Variants in THBS4 observed in about 807,000 individuals in gnomAD.
THBS4 encodes thrombospondin 4.
In THBS4, 90 loss-of-function variants were observed where a neutral mutation model predicts 115.7. The observed-to-expected ratio is 0.78, with a 90% CI of 0.66 to 0.93. The LOEUF (loss-of-function observed/expected upper bound fraction) is 0.93. Among genes scored for constraint, THBS4 ranks in the 40% least tolerant of loss-of-function variants. The pLI is 0.00. For synonymous variants in THBS4, 460 were observed against 479.3 expected, an observed-to-expected ratio of 0.96 and a Z score of 0.53; for missense variants, 1,087 against 1,232.7, an observed-to-expected ratio of 0.88 and a Z score of 1.77.
chr5:80,067,069 A>G (rs1203794249), intron 9 of THBS4: 1 of 152,238 alleles, frequency 6.6e-6, no homozygotes, highest in South Asian at 2.1e-4. Context: ...ATAAAACTGC[A>G]TAAGATGAAA....
intron 1 of THBS4, among the ~76,000 whole-genome samples, chr5:80,036,892 T>A (rs1474136562): frequency 1.3e-5 from 2 of 152,212 alleles, no homozygotes; most frequent in Non-Finnish European, 2.9e-5. Flanking sequence ...CTTCCCTGCC[T>A]CTCGCTGCTG....
chr5:80,024,961 G>A (rs1832446562), intron 2 of THBS4, among the ~76,000 whole-genome samples: 7 of 152,114 alleles, frequency 4.6e-5, no homozygotes, highest in Admixed American at 4.6e-4. Flanking sequence ...TGGGAAGGTT[G>A]TTCAATCTCC....
intron 2 of THBS4, among the ~76,000 whole-genome samples, chr5:80,043,224 C>T (rs2438650): frequency 0.24 from 36,045 of 151,926 alleles, 4,712 homozygotes; most frequent in African/African-American, 0.35. Context: ...GGAAAAAATA[C>T]GAAGATTTGC....
intron 19 of THBS4, 83 bp downstream of exon 19, chr5:80,079,341 CTTAG>C: frequency 2.1e-6 from 3 of 1,404,246 alleles, no homozygotes; most frequent in Non-Finnish European, 2.8e-6. Context: ...CCATGTGGTA[CTTAG>C]TTAATCTAAA....
At chr5:80,016,068 C>T (rs1012141248) in intron 2 of THBS4, among the ~76,000 whole-genome samples, 1 of 152,172 alleles carries the variant, frequency 6.6e-6, no homozygotes, top group Admixed American at 6.5e-5. Context: ...AAGACCCTTC[C>T]CTGGACAGTA....
At chr5:80,073,235 C>G (rs1742989637) in intron 14 of THBS4, 40 bp from the exon 15 acceptor site, 1 of 1,601,496 alleles carries the variant, frequency 6.2e-7, no homozygotes, top group African/African-American at 1.3e-5. Context: ...TCGGTACATG[C>G]AGGCCCAGGA....
At chr5:80,015,754 G>C (rs576943983) in intron 2 of THBS4, among the ~76,000 whole-genome samples, 1 of 152,238 alleles carries the variant, frequency 6.6e-6, no homozygotes, top group African/African-American at 2.4e-5. Context: ...CAGGGACCAG[G>C]GTCAGGCCTT....
chr5:80,043,030 T>C (rs1178568758), intron 2 of THBS4, among the ~76,000 whole-genome samples: 1 of 152,028 alleles, frequency 6.6e-6, no homozygotes, highest in Non-Finnish European at 1.5e-5. Context: ...AACTGAAAGA[T>C]GAACATCTCC....
intron 2 of THBS4, among the ~76,000 whole-genome samples, chr5:80,041,194 A>G (rs1832890498): frequency 6.6e-6 from 1 of 152,192 alleles, no homozygotes; most frequent in Admixed American, 6.5e-5. Flanking sequence ...CCTGGATTGT[A>G]GATGGCCATC....
chr5:80,053,817 G>A (rs1279744808), intron 2 of THBS4, among the ~76,000 whole-genome samples: 1 of 152,088 alleles, frequency 6.6e-6, no homozygotes, highest in Non-Finnish European at 1.5e-5. Context: ...GCCCACCTCG[G>A]CCTCCCAAAG....
At chr5:80,061,053 G>A (rs1833616426) in intron 7 of THBS4, among the ~76,000 whole-genome samples, 1 of 152,142 alleles carries the variant, frequency 6.6e-6, no homozygotes, top group Admixed American at 6.5e-5. Flanking sequence ...AGAAACAACT[G>A]CATACATTTC....
chr5:80,021,142 T>TG (rs537230278), intron 2 of THBS4, among the ~76,000 whole-genome samples: 26 of 152,292 alleles, frequency 1.7e-4, no homozygotes, highest in Admixed American at 5.2e-4. Flanking sequence ...ACAGTTTTGT[T>TG]GCAGTGGTTC....
In THBS4 at chr5:80,079,267, G is replaced by T. The variant is rs1743374645; in HGVS notation, c.2511+9G>T. The stretch of plus-strand genomic sequence containing the variant: ...CTGGCATTCAGCTCAAGGTATTGGT[G>T]GTTTGAAGTCATTCATCTCCCTTTC... On this transcript the variant is annotated intron_variant, in intron 19 of 21. Coordinates refer to ENST00000350881, the MANE Select transcript of THBS4 (RefSeq NM_003248.6). 6.3e-7 allele frequency: 1 copy of T among 1,584,184 alleles called. No individual in the cohort carries two copies. The highest frequency in any genetic ancestry group is 1.8e-5 in the Admixed American group (1 of 55,578).
upstream of THBS4, among the ~76,000 whole-genome samples, chr5:80,032,195 T>C (rs1303429835): frequency 6.6e-6 from 1 of 152,240 alleles, no homozygotes; most frequent in Non-Finnish European, 1.5e-5. Flanking sequence ...AAATTAATTT[T>C]ATTATAATCA....
chr5:80,054,318 C>CTTTT (rs56296474), intron 2 of THBS4, among the ~76,000 whole-genome samples: 1 of 123,954 alleles, frequency 8.1e-6, no homozygotes, highest in Non-Finnish European at 1.7e-5. Context: ...CACACCTGGC[C>CTTTT]TTTTTTTTTT....
At chr5:79,999,496 G>A (rs1415488445) in intron 2 of THBS4, among the ~76,000 whole-genome samples, 1 of 152,160 alleles carries the variant, frequency 6.6e-6, no homozygotes. Flanking sequence ...GTTTAAAAAT[G>A]AGTGTATAAA....
chr5:80,015,422 G>A (rs959517001), intron 2 of THBS4, among the ~76,000 whole-genome samples: 1 of 152,176 alleles, frequency 6.6e-6, no homozygotes, highest in Non-Finnish European at 1.5e-5. Flanking sequence ...ACTTAGGGAG[G>A]TAAGAGGACA....
intron 9 of THBS4, 118 bp downstream of exon 9, chr5:80,065,595 G>A: frequency 1.1e-6 from 1 of 880,346 alleles, no homozygotes; most frequent in Non-Finnish European, 1.6e-6. Flanking sequence ...ATATTTGATT[G>A]GCAGAATAAA....
chr5:80,036,740 G>A (rs952259639), intron 1 of THBS4, among the ~76,000 whole-genome samples: 20 of 152,188 alleles, frequency 1.3e-4, no homozygotes, highest in Admixed American at 1.0e-3. Context: ...GGTCAGGCGT[G>A]AGCTTCATCT....
Sources: gnomAD v4.1 joint callset for allele counts (sites outside exome capture counted in the v4.1 genomes callset) on GRCh38, gnomAD v4.1.1 for gene constraint, MANE v1.5 for transcripts, NCBI Gene and HGNC (gene_info 2026-07-23, HGNC 2026-07-21) for gene names.